RIMS2: variants seen among roughly 807,000 people sequenced by gnomAD.
RIMS2 encodes the protein regulating synaptic membrane exocytosis protein 2.
RIMS2 carries 59 observed loss-of-function variants against 174.4 expected under a neutral mutation model. The observed-to-expected ratio is 0.34, with a 90% confidence interval of 0.27 to 0.42. The LOEUF is 0.42. Ranked by LOEUF, RIMS2 falls within the 10% of genes least tolerant of loss-of-function variation. The pLI is 1.00. For synonymous variants in RIMS2, 606 were observed against 572.5 expected, an observed-to-expected ratio of 1.06 and a Z score of -0.84; for missense variants, 1,620 against 1,666.3, an observed-to-expected ratio of 0.97 and a Z score of 0.48.
intron 2 of RIMS2, among the ~76,000 whole-genome samples, chr8:103,733,108 GTTTA>G (rs2097629179): frequency 6.6e-6 from 1 of 152,008 alleles, no homozygotes; most frequent in South Asian, 2.1e-4. Context: ...TTCCACTGGT[GTTTA>G]TTCTGGGTTC....
chr8:103,900,022 A>T (rs904771661), intron 4 of RIMS2, among the ~76,000 whole-genome samples: 2 of 151,566 alleles, frequency 1.3e-5, no homozygotes, highest in Non-Finnish European at 2.9e-5. Flanking sequence ...CAAAGATCAG[A>T]TAGTTGTAGA....
intron 15 of RIMS2, among the ~76,000 whole-genome samples, chr8:103,968,139 G>T (rs557889085): frequency 6.6e-6 from 1 of 152,116 alleles, no homozygotes; most frequent in Admixed American, 6.5e-5. Flanking sequence ...GGGATTACAG[G>T]CATGGTGAGC....
chr8:104,127,372 C>A (rs1297260574), intron 19 of RIMS2, among the ~76,000 whole-genome samples: 1 of 152,074 alleles, frequency 6.6e-6, no homozygotes, highest in Admixed American at 6.5e-5. Flanking sequence ...TGAGTCTTAC[C>A]CATCTAGGCT....
rs565601737 is a variant in RIMS2 at position 104,233,251 on chromosome 8, G to A, written c.3335-11665G>A. Reference sequence around the variant, plus strand: ...ACCTTAAAACCTCAAAATCTTATCCGGCTGGTCGAAATCTAGAATCTTTGA... The same window carrying A: ...ACCTTAAAACCTCAAAATCTTATCCAGCTGGTCGAAATCTAGAATCTTTGA... On this transcript the variant is annotated intron_variant, in intron 19 of 23. Coordinates refer to ENST00000504942, the Ensembl canonical transcript of RIMS2. Among the ~76,000 whole-genome samples, 23 of 152,006 alleles carry A rather than the reference G, an allele frequency of 1.5e-4. 1 individual carries two copies. Among genetic ancestry groups the A allele is most frequent in the Admixed American group, 1.4e-3 (22 of 15,256 alleles).
chr8:103,929,646 T>C, intron 11 of RIMS2, among the ~76,000 whole-genome samples: 1 of 151,884 alleles, frequency 6.6e-6, no homozygotes, highest in East Asian at 1.9e-4. Context: ...CAGTTGGGTT[T>C]TTGTCACACA....
intron 1 of RIMS2, among the ~76,000 whole-genome samples, chr8:103,542,782 C>T (rs527631731): frequency 2.0e-5 from 3 of 152,234 alleles, no homozygotes; most frequent in African/African-American, 7.2e-5. Context: ...ATATGGTCAT[C>T]TCAATAGATG....
At chr8:104,139,500 G>A (rs947755154) in intron 19 of RIMS2, among the ~76,000 whole-genome samples, 19 of 151,894 alleles carry the variant, frequency 1.3e-4, no homozygotes, top group African/African-American at 4.6e-4. Context: ...TTTATCCTAG[G>A]CATTTTATGT....
chr8:103,915,633 C>T (rs761044514), intron 7 of RIMS2, 39 bp downstream of exon 10: 1 of 1,040,076 alleles, frequency 9.6e-7, no homozygotes, highest in Non-Finnish European at 1.5e-6. Flanking sequence ...TTAAACCATT[C>T]AACTTTAGTA....
chr8:103,638,270 T>A (rs970104128), intron 1 of RIMS2, among the ~76,000 whole-genome samples: 5 of 152,126 alleles, frequency 3.3e-5, no homozygotes, highest in African/African-American at 1.2e-4. Flanking sequence ...TAATAAATAT[T>A]TCACAGGAGA....
At chr8:103,820,060 C>G (rs1336806399) in intron 3 of RIMS2, among the ~76,000 whole-genome samples, 1 of 152,082 alleles carries the variant, frequency 6.6e-6, no homozygotes, top group Non-Finnish European at 1.5e-5. Flanking sequence ...AGGTTTAAGA[C>G]ATTTCTCTAT....
rs534622921 is a variant in RIMS2, at chr8:104,231,327, A to G, written c.3335-13589A>G. Among the ~76,000 whole-genome samples the G allele has an allele frequency of 2.0e-5, 3 of 151,912 alleles. No individual in the cohort carries two copies. The East Asian group carries it at 5.8e-4, about 29-fold the overall frequency. The stretch of plus-strand genomic sequence containing the variant: ...TACTAAGTAAAGCCTTTAGCCTGAC[A>G]TTCAAGTTCTTTAACAATATGAGGT... On this transcript the variant is annotated intron_variant, in intron 19 of 23. Transcript: ENST00000504942.
intron 1 of RIMS2, among the ~76,000 whole-genome samples, chr8:103,537,763 C>T (rs1468351293): frequency 6.6e-6 from 1 of 151,988 alleles, no homozygotes; most frequent in Admixed American, 6.5e-5. Flanking sequence ...CTGACTGCTG[C>T]TTGATTATAG....
rs571634068 is a variant in RIMS2 at position 104,208,335 on chromosome 8, A to AG, written c.3335-36575dup. On this transcript the variant is annotated intron_variant, in intron 19 of 23. Transcript: ENST00000504942. ...GTAATCCCACCATTTTGGGAGGCCG[A>AG]GGGGGGCAGATCACCTGAGTTCAGG... Among the ~76,000 whole-genome samples the AG allele has an allele frequency of 8.1e-3, 1,235 of 152,184 alleles. 17 individuals are homozygous for AG. The highest frequency in any genetic ancestry group is 0.028 in the African/African-American group (1,158 of 41,524).
chr8:104,186,623 A>G (rs1305754036), intron 19 of RIMS2, among the ~76,000 whole-genome samples: 1 of 151,718 alleles, frequency 6.6e-6, no homozygotes, highest in African/African-American at 2.4e-5. Context: ...GAGGCTCTCC[A>G]TAGCCCTTCA....
chr8:103,778,822 C>T (rs1371824106), intron 3 of RIMS2, among the ~76,000 whole-genome samples: 5 of 152,006 alleles, frequency 3.3e-5, no homozygotes, highest in South Asian at 2.1e-4. Flanking sequence ...TTTGAGGAAC[C>T]GCCAAACTCT....
chr8:104,103,536 T>C (rs547755622), intron 19 of RIMS2, among the ~76,000 whole-genome samples: 29 of 152,294 alleles, frequency 1.9e-4, no homozygotes, highest in African/African-American at 5.5e-4. Flanking sequence ...GTCAAGCATA[T>C]TTTCTTTTAT....
At chr8:104,058,596 G>T (rs376793006) in intron 19 of RIMS2, among the ~76,000 whole-genome samples, 3 of 150,940 alleles carry the variant, frequency 2.0e-5, no homozygotes, top group South Asian at 2.1e-4. Context: ...GTCAATTTTG[G>T]CTTTTGTTGC....
intron 19 of RIMS2, among the ~76,000 whole-genome samples, chr8:104,219,693 A>G (rs2138380590): frequency 6.6e-6 from 1 of 152,192 alleles, no homozygotes; most frequent in Middle Eastern, 3.4e-3. Flanking sequence ...TATATTTGTG[A>G]CTCACTTTTT....
intron 1 of RIMS2, among the ~76,000 whole-genome samples, chr8:103,527,542 C>G (rs147794796): frequency 6.6e-6 from 1 of 151,610 alleles, no homozygotes; most frequent in Admixed American, 6.6e-5. Flanking sequence ...CGTCCCCCAT[C>G]CCCCCTCCCC....
Sources: allele counts gnomAD v4.1 joint callset (sites outside exome capture counted in the v4.1 genomes callset), GRCh38; gene constraint gnomAD v4.1.1; transcripts MANE v1.5; gene names NCBI Gene and HGNC (gene_info 2026-07-23, HGNC 2026-07-21).